Variants in FBXW7 observed in about 807,000 individuals in gnomAD.
The protein encoded by FBXW7 is F-box and WD repeat domain containing 7.
FBXW7 carries 11 observed loss-of-function variants against 86.3 expected under a neutral mutation model. The observed-to-expected ratio is 0.13, with a 90% CI of 0.08 to 0.21. FBXW7 has a LOEUF of 0.21. Ranked by LOEUF, FBXW7 falls within the 10% of genes least tolerant of loss-of-function variation. The probability of loss-of-function intolerance (pLI) is 1.00; values close to 1 mark genes in which losing one functional copy is unlikely to be tolerated. For synonymous variants in FBXW7, 313 were observed against 297.9 expected (o/e 1.05, Z -0.52); for missense variants, 488 against 847.4 (o/e 0.58, Z 5.27).
intron 7 of FBXW7, among the ~76,000 whole-genome samples, chr4:152,335,875 C>T (rs1177006437): frequency 6.6e-6 from 1 of 152,126 alleles, no homozygotes; most frequent in Non-Finnish European, 1.5e-5. Context: ...TTGGTATTCA[C>T]TTATAAAGAC....
At chr4:152,441,458 T>C (rs1210568845) in intron 2 of FBXW7, among the ~76,000 whole-genome samples, 1 of 152,170 alleles carries the variant, frequency 6.6e-6, no homozygotes, top group Non-Finnish European at 1.5e-5. Flanking sequence ...TTAATGTCAA[T>C]ATAAGACCAA....
chr4:152,494,828 G>A (rs556344644), intron 2 of FBXW7, among the ~76,000 whole-genome samples: 52 of 152,196 alleles, frequency 3.4e-4, no homozygotes, highest in Non-Finnish European at 6.6e-4. Flanking sequence ...TGTTCTAAAT[G>A]CTTTACATTA....
chr4:152,528,286 A>C (rs1443944903), intron 2 of FBXW7, among the ~76,000 whole-genome samples: 4 of 152,240 alleles, frequency 2.6e-5, no homozygotes, highest in Admixed American at 1.3e-4. Context: ...GCATAGCAAC[A>C]GAAACTGCAC....
chr4:152,366,528 G>T (rs1733491945), intron 4 of FBXW7, among the ~76,000 whole-genome samples: 2 of 152,136 alleles, frequency 1.3e-5, no homozygotes, highest in South Asian at 4.1e-4. Flanking sequence ...TGCCAAAAGT[G>T]TTGTAACTTA....
intron 4 of FBXW7, among the ~76,000 whole-genome samples, chr4:152,381,799 T>C (rs1735100507): frequency 6.6e-6 from 1 of 152,144 alleles, no homozygotes; most frequent in Non-Finnish European, 1.5e-5. Flanking sequence ...TTTGGAACAC[T>C]TTTTAACGAA....
intron 4 of FBXW7, among the ~76,000 whole-genome samples, chr4:152,392,937 A>C (rs1452251967): frequency 6.6e-6 from 1 of 152,182 alleles, no homozygotes; most frequent in Non-Finnish European, 1.5e-5. Context: ...TTACATCTAA[A>C]GTCATTTGAT....
At chr4:152,362,433 TAAAG>T (rs936997904) in intron 4 of FBXW7, among the ~76,000 whole-genome samples, 4 of 152,156 alleles carry the variant, frequency 2.6e-5, no homozygotes, top group African/African-American at 9.7e-5. Flanking sequence ...CATGAGATGA[TAAAG>T]AAGACACACA....
At chr4:152,382,422 T>C (rs1476960512) in intron 4 of FBXW7, 5 of 1,262,210 alleles carry the variant, frequency 4.0e-6, no homozygotes, top group African/African-American at 1.6e-5. Context: ...TTTAAAAATA[T>C]ATATTTAATA....
chr4:152,428,627 G>GT (rs1351972448), intron 2 of FBXW7, among the ~76,000 whole-genome samples: 4 of 152,168 alleles, frequency 2.6e-5, no homozygotes, highest in African/African-American at 7.2e-5. Context: ...TAGGTTTGCT[G>GT]TAACAATGAA....
chr4:152,418,727 A>G (rs1272650005), intron 2 of FBXW7, among the ~76,000 whole-genome samples: 3 of 152,202 alleles, frequency 2.0e-5, no homozygotes, highest in Non-Finnish European at 4.4e-5. Flanking sequence ...AAAAACAGTG[A>G]ACATTATGCT....
At chr4:152,419,662 T>C (rs2126910683) in intron 2 of FBXW7, among the ~76,000 whole-genome samples, 1 of 152,210 alleles carries the variant, frequency 6.6e-6, no homozygotes, top group South Asian at 2.1e-4. Flanking sequence ...ATTTCACCAA[T>C]ACTTACACCT....
intron 2 of FBXW7, among the ~76,000 whole-genome samples, chr4:152,436,401 G>T (rs1740384931): frequency 6.6e-6 from 1 of 152,212 alleles, no homozygotes; most frequent in Non-Finnish European, 1.5e-5. Context: ...GCTAGCAGAG[G>T]TTGGTTCACG....
At chr4:152,425,345 T>G (rs142131377) in intron 2 of FBXW7, among the ~76,000 whole-genome samples, 14 of 152,306 alleles carry the variant, frequency 9.2e-5, no homozygotes, top group Middle Eastern at 3.4e-3. Context: ...AAACCAAACA[T>G]CTCACATATC....
In FBXW7 at chr4:152,348,226, C is replaced by T. The variant is rs74759760; in HGVS notation, c.585-1155G>A. Among the ~76,000 whole-genome samples, 857 of 152,006 alleles carry T rather than the reference C, an allele frequency of 5.6e-3. 6 individuals are homozygous for T. The highest frequency in any genetic ancestry group is 9.7e-3 in the Non-Finnish European group (656 of 67,878). Reference sequence around the variant, plus strand: ...TTACAGAAAAGTCTTCTTATCTACTCCCTTTAAATCCTCTAATAGTATAAA... The same window carrying T: ...TTACAGAAAAGTCTTCTTATCTACTTCCTTTAAATCCTCTAATAGTATAAA... On this transcript the variant is annotated intron_variant, in intron 5 of 13. Coordinates refer to ENST00000281708, the MANE Select transcript of FBXW7 (RefSeq NM_001349798.2).
chr4:152,399,656 ACC>A (rs1348729934), intron 4 of FBXW7, among the ~76,000 whole-genome samples: 2 of 152,188 alleles, frequency 1.3e-5, no homozygotes, highest in Admixed American at 6.5e-5. Flanking sequence ...TTTCCTACAC[ACC>A]AGCAATGAAA....
intron 2 of FBXW7, among the ~76,000 whole-genome samples, chr4:152,488,321 A>G (rs1246280359): frequency 1.3e-5 from 2 of 152,056 alleles, no homozygotes; most frequent in African/African-American, 4.8e-5. Context: ...TCTATAATCT[A>G]TTTGTAAAAA....
At chr4:152,395,678 A>C (rs1419539192) in intron 4 of FBXW7, among the ~76,000 whole-genome samples, 1 of 151,976 alleles carries the variant, frequency 6.6e-6, no homozygotes, top group Non-Finnish European at 1.5e-5. Flanking sequence ...ACTCCAAACA[A>C]CCCAATTCCC....
At chr4:152,438,891 C>G (rs1439615390) in intron 2 of FBXW7, among the ~76,000 whole-genome samples, 1 of 152,184 alleles carries the variant, frequency 6.6e-6, no homozygotes, top group East Asian at 1.9e-4. Flanking sequence ...AATGGGACAA[C>G]TACAGACAAC....
intron 4 of FBXW7, among the ~76,000 whole-genome samples, chr4:152,402,479 G>C (rs999692363): frequency 3.9e-5 from 6 of 152,126 alleles, no homozygotes; most frequent in Non-Finnish European, 8.8e-5. Flanking sequence ...TAGCTTTATA[G>C]GTTATTTCAT....
Sources: allele counts gnomAD v4.1 joint callset (sites outside exome capture counted in the v4.1 genomes callset), GRCh38; gene constraint gnomAD v4.1.1; transcripts MANE v1.5; gene names NCBI Gene and HGNC (gene_info 2026-07-23, HGNC 2026-07-21).